The following AOPEP variants were observed in gnomAD, a reference collection of about 807,000 sequenced individuals.
The protein encoded by AOPEP is aminopeptidase O (putative), also known as aminopeptidase O.
In AOPEP, 77 loss-of-function variants were observed where a neutral mutation model predicts 98.1. That is an observed-to-expected ratio of 0.78 (90% CI 0.65 to 0.95). The LOEUF (loss-of-function observed/expected upper bound fraction) is 0.95. AOPEP is among the 40% of genes least tolerant of loss of function. The pLI, the probability that AOPEP is intolerant of heterozygous loss-of-function variation, is 0.00. For synonymous variants in AOPEP, 346 were observed against 365.3 expected (o/e 0.95, Z 0.60); for missense variants, 1,024 against 1,024.7 (o/e 1.00, Z 0.01).
intron 5 of AOPEP, among the ~76,000 whole-genome samples, chr9:94,900,146 C>T (rs2050192284): frequency 2.0e-5 from 3 of 152,158 alleles, no homozygotes; most frequent in Admixed American, 1.3e-4. Context: ...TGACTGCTGG[C>T]CGCCGCCAAC....
chr9:95,064,423 C>G (rs1313796361), intron 14 of AOPEP, among the ~76,000 whole-genome samples: 7 of 152,198 alleles, frequency 4.6e-5, no homozygotes, highest in Admixed American at 4.6e-4. Flanking sequence ...TCCCGAGTAG[C>G]TGGATTACAG....
At chr9:95,076,742 A>G (rs1340910785) in intron 14 of AOPEP, among the ~76,000 whole-genome samples, 1 of 152,254 alleles carries the variant, frequency 6.6e-6, no homozygotes, top group East Asian at 1.9e-4. Context: ...CTCTGGGCAT[A>G]GGGATGAGGG....
intron 3 of AOPEP, among the ~76,000 whole-genome samples, chr9:94,779,706 T>C (rs1842882309): frequency 1.3e-5 from 2 of 151,720 alleles, no homozygotes; most frequent in Admixed American, 1.3e-4. Flanking sequence ...TGAATATAAA[T>C]ATTAATATTT....
chr9:94,970,113 C>T (rs1236923114), intron 10 of AOPEP, among the ~76,000 whole-genome samples: 2 of 152,180 alleles, frequency 1.3e-5, no homozygotes, highest in Non-Finnish European at 2.9e-5. Context: ...TTCTCTTTCA[C>T]CTTCCATTCA....
At chr9:94,963,056 T>G (rs755881292) in intron 9 of AOPEP, among the ~76,000 whole-genome samples, 1 of 152,238 alleles carries the variant, frequency 6.6e-6, no homozygotes, top group South Asian at 2.1e-4. Flanking sequence ...TATTATCATC[T>G]TTGTAGCCCC....
At chr9:94,819,023 T>C (rs1307427686) in intron 5 of AOPEP, among the ~76,000 whole-genome samples, 1 of 151,942 alleles carries the variant, frequency 6.6e-6, no homozygotes, top group South Asian at 2.1e-4. Flanking sequence ...ACAAAAAAAA[T>C]AAAAAGAAAT....
At chr9:95,136,970 ACCTGCACAT>A in the AOPEP span, among the ~76,000 whole-genome samples, 1 of 152,014 alleles carries the variant, frequency 6.6e-6, no homozygotes, top group Non-Finnish European at 1.5e-5. Flanking sequence ...CCTGCCCTTT[ACCTGCACAT>A]CCCAGACAGT....
chr9:95,132,332 T>C, the AOPEP span, among the ~76,000 whole-genome samples: 1 of 152,222 alleles, frequency 6.6e-6, no homozygotes, highest in Non-Finnish European at 1.5e-5. Flanking sequence ...CTGGAAAACA[T>C]AACATCCTTC....
At chr9:94,856,641 T>TAAAAA (rs35234682) in intron 5 of AOPEP, among the ~76,000 whole-genome samples, 1 of 128,584 alleles carries the variant, frequency 7.8e-6, no homozygotes, top group African/African-American at 3.0e-5. Flanking sequence ...AACTCCGTCT[T>TAAAAA]AAAAAAAAAA....
At chr9:95,133,790 G>T in the AOPEP span, among the ~76,000 whole-genome samples, 1 of 152,196 alleles carries the variant, frequency 6.6e-6, no homozygotes, top group Non-Finnish European at 1.5e-5. Context: ...ATCCTAGTAT[G>T]CACATGTAAG....
At chr9:94,822,976 C>T (rs1853602299) in intron 5 of AOPEP, among the ~76,000 whole-genome samples, 2 of 144,164 alleles carry the variant, frequency 1.4e-5, no homozygotes, top group South Asian at 4.5e-4. Flanking sequence ...CACAATTTCA[C>T]TCACCTGTCC....
intron 5 of AOPEP, among the ~76,000 whole-genome samples, chr9:94,923,780 C>G (rs920997691): frequency 6.6e-6 from 1 of 152,086 alleles, no homozygotes; most frequent in African/African-American, 2.4e-5. Context: ...AACTGGTTGG[C>G]AGAAACGGCC....
At chr9:94,752,341 C>T (rs1019651794) in intron 1 of AOPEP, among the ~76,000 whole-genome samples, 1 of 149,422 alleles carries the variant, frequency 6.7e-6, no homozygotes, top group African/African-American at 2.5e-5. Context: ...CATACAGACA[C>T]ACAAGTCTCT....
rs80060505 is a variant in AOPEP, at chr9:94,751,888, C to CTTTT, written c.-135-7742_-135-7739dup. 1.3e-3 allele frequency among the ~76,000 whole-genome samples: 132 copies of CTTTT among 104,528 alleles called. 3 individuals are homozygous for CTTTT. Among genetic ancestry groups the CTTTT allele is most frequent in the African/African-American group, 4.6e-3 (121 of 26,066 alleles). The allele number at this position is 104,528 out of a possible 152,430, so 68.6% of individuals were successfully genotyped here. A position where few individuals can be genotyped will look rare whatever the true frequency, so the allele number is the denominator to read the frequency against. ...ACTGTGAACAGAGTACCCATGAAAA[C>CTTTT]TTTTTTTTTTTTTTTTTTTTTTGAG... On this transcript the variant is annotated intron_variant, in intron 1 of 16. Coordinates refer to ENST00000375315, the MANE Select transcript of AOPEP (RefSeq NM_001193329.3).
chr9:94,802,904 C>T (rs1021255594), intron 5 of AOPEP, among the ~76,000 whole-genome samples: 4 of 152,112 alleles, frequency 2.6e-5, no homozygotes, highest in African/African-American at 9.7e-5. Flanking sequence ...TTTTTCCAAA[C>T]TCTGGCTTCA....
Position 94,967,865 on chromosome 9 carries a change from C to T in AOPEP, c.1916+64C>T. ...GTTTTAATGTTAAAAATGACATTGCCATTGGTTGGCTTGTCACAGCCTAGA... is the reference window on the plus strand; with the variant it reads ...GTTTTAATGTTAAAAATGACATTGCTATTGGTTGGCTTGTCACAGCCTAGA... On this transcript the variant is annotated intron_variant, in intron 10 of 16. Coordinates refer to ENST00000375315, the MANE Select transcript of AOPEP (RefSeq NM_001193329.3). 3 of 1,338,934 alleles carry T rather than the reference C, an allele frequency of 2.2e-6. No individual in the cohort carries two copies. The South Asian group carries it at 3.5e-5, about 16-fold the overall frequency. 82.9% of individuals were successfully genotyped at this position (1,338,934 alleles called of 1,614,324 possible).
At chr9:95,119,717 TTTC>T in the AOPEP span, among the ~76,000 whole-genome samples, 5 of 151,962 alleles carry the variant, frequency 3.3e-5, no homozygotes, top group African/African-American at 1.2e-4. Context: ...TTTACATTCC[TTTC>T]TTATTTTTTG....
chr9:95,069,736 C>T (rs541009891), intron 14 of AOPEP, among the ~76,000 whole-genome samples: 1 of 152,384 alleles, frequency 6.6e-6, no homozygotes, highest in African/African-American at 2.4e-5. Context: ...TCACACTTGA[C>T]CCTCACCATG....
intron 11 of AOPEP, among the ~76,000 whole-genome samples, chr9:94,995,171 T>C (rs920468809): frequency 7.9e-5 from 12 of 152,188 alleles, no homozygotes; most frequent in African/African-American, 2.9e-4. Flanking sequence ...GCAGGCTCCG[T>C]ACAAGGGCAT....
Sources: gnomAD v4.1 joint callset for allele counts (sites outside exome capture counted in the v4.1 genomes callset) on GRCh38, gnomAD v4.1.1 for gene constraint, MANE v1.5 for transcripts, NCBI Gene and HGNC (gene_info 2026-07-23, HGNC 2026-07-21) for gene names.